The following NR2C1 variants were observed in gnomAD, a reference collection of about 807,000 sequenced individuals.
NR2C1 encodes the protein TR2 nuclear hormone receptor.
Under a neutral mutation model 74.8 loss-of-function variants are expected in NR2C1, and 33 were observed. The ratio of observed to expected loss-of-function variants is 0.44; its 90% CI spans 0.33 to 0.59. The LOEUF (loss-of-function observed/expected upper bound fraction) is 0.59. NR2C1 is among the 20% of genes least tolerant of loss of function. The probability of loss-of-function intolerance (pLI) is 0.02; values close to 1 mark genes in which losing one functional copy is unlikely to be tolerated. For synonymous variants in NR2C1, 225 were observed against 240.6 expected, an observed-to-expected ratio of 0.94 and a Z score of 0.60; for missense variants, 568 against 715.6, an observed-to-expected ratio of 0.79 and a Z score of 2.35.
intron 10 of NR2C1, among the ~76,000 whole-genome samples, chr12:95,036,930 C>T (rs1344991085): frequency 6.6e-6 from 1 of 152,094 alleles, no homozygotes; most frequent in African/African-American, 2.4e-5. Flanking sequence ...CTGAAGGCAC[C>T]AGTCCTCAGG....
Position 95,021,699 on chromosome 12 carries a change from T to A in NR2C1, c.*530A>T, listed in dbSNP as rs1868793882. 6.6e-6 allele frequency: 1 copy of A among 152,178 alleles called. No individual in the cohort carries two copies. Among genetic ancestry groups the A allele is most frequent in the African/African-American group, 2.4e-5 (1 of 41,384 alleles). The allele number at this position is 152,178 out of a possible 1,614,324, so 9.4% of individuals were successfully genotyped here. A position where few individuals can be genotyped will look rare whatever the true frequency, so the allele number is the denominator to read the frequency against. On this transcript the variant is annotated 3_prime_UTR_variant, in exon 14 of 14. Transcript: ENST00000333003. The stretch of plus-strand genomic sequence containing the variant: ...CATGATATTTAGAGAAGACAAAAAA[T>A]ATGTATTCAATTATTTCCTATAGTT...
rs34376438 is a variant in NR2C1, at chr12:95,032,967, C to CA, written c.1254-1480dup. Among the ~76,000 whole-genome samples the CA allele has an allele frequency of 2.5e-3, 372 of 151,048 alleles. 1 individual carries two copies. Among genetic ancestry groups the CA allele is most frequent in the Non-Finnish European group, 4.0e-3 (269 of 67,668 alleles). On this transcript the variant is annotated intron_variant, in intron 10 of 13. Transcript: ENST00000333003. ...TGGGTGACAGAGTGAGACCCTGTCT[C>CA]AAAAAAAAGAGAGAGAATTAACTGG...
intron 10 of NR2C1, among the ~76,000 whole-genome samples, chr12:95,032,494 T>G (rs1870267322): frequency 6.7e-6 from 1 of 149,934 alleles, no homozygotes; most frequent in South Asian, 2.1e-4. Context: ...CCCCCATCTC[T>G]ACAAAAAATG....
rs767802842 is a variant in NR2C1, at chr12:95,067,402, T to C, written c.-7-11A>G. On this transcript the variant is annotated splice_polypyrimidine_tract_variant and intron_variant, in intron 1 of 13. Coordinates refer to ENST00000333003, the MANE Select transcript of NR2C1 (RefSeq NM_003297.4). ...GTTGCCATGATCTACCTGCCAAAAA[T>C]AAAAAGATGTTTTATAATTAAACTC... 1.1e-4 allele frequency: 183 copies of C among 1,592,386 alleles called. No homozygotes were observed. The highest frequency in any genetic ancestry group is 1.5e-4 in the Non-Finnish European group (177 of 1,160,836).
chr12:95,061,500 AT>A (rs1015489168), intron 3 of NR2C1, among the ~76,000 whole-genome samples: 4 of 152,120 alleles, frequency 2.6e-5, no homozygotes, highest in South Asian at 2.1e-4. Flanking sequence ...AATGTTATAC[AT>A]TTTTTTGTGA....
intron 10 of NR2C1, among the ~76,000 whole-genome samples, chr12:95,039,913 T>C (rs560232399): frequency 6.6e-6 from 1 of 152,354 alleles, no homozygotes; most frequent in East Asian, 1.9e-4. Flanking sequence ...ATGCTGGGAT[T>C]ACAGGCGTTA....
chr12:95,024,054 A>G (rs1869061834), intron 13 of NR2C1, among the ~76,000 whole-genome samples: 1 of 152,166 alleles, frequency 6.6e-6, no homozygotes. Context: ...CAAATTACTC[A>G]GCTTTTACAG....
chr12:95,034,708 T>C (rs1870595196), intron 10 of NR2C1, among the ~76,000 whole-genome samples: 1 of 152,224 alleles, frequency 6.6e-6, no homozygotes, highest in Admixed American at 6.5e-5. Context: ...TATGTTTAGA[T>C]ACACAAACAT....
chr12:95,037,577 C>T (rs928785443), intron 10 of NR2C1, among the ~76,000 whole-genome samples: 1 of 152,150 alleles, frequency 6.6e-6, no homozygotes, highest in African/African-American at 2.4e-5. Flanking sequence ...AGGACTTTGT[C>T]ACCAACTTTT....
chr12:95,039,475 T>TTAA (rs1280525202), intron 10 of NR2C1, among the ~76,000 whole-genome samples: 1 of 152,306 alleles, frequency 6.6e-6, no homozygotes, highest in African/African-American at 2.4e-5. Context: ...AATAAAAACT[T>TTAA]TCTAACTATG....
In NR2C1 at chr12:95,057,897, C is replaced by T; in HGVS notation, c.545-19G>A. On this transcript the variant is annotated intron_variant, in intron 5 of 13. Transcript: ENST00000333003. The stretch of plus-strand genomic sequence containing the variant: ...TGGACAGCTACAAAAATGTGTTAAA[C>T]TATTATATCACAATATAGGATTTAC... 9 of 1,601,302 alleles carry T rather than the reference C, an allele frequency of 5.6e-6. No homozygotes were observed. The highest frequency in any genetic ancestry group is 7.7e-6 in the Non-Finnish European group (9 of 1,169,758).
At chr12:95,042,881 G>A (rs1871750642) in intron 9 of NR2C1, among the ~76,000 whole-genome samples, 1 of 138,976 alleles carries the variant, frequency 7.2e-6, no homozygotes, top group Non-Finnish European at 1.5e-5. Flanking sequence ...AGGACTGCTT[G>A]AAGCCAGTAG....
chr12:95,041,938 T>C lies in NR2C1; in HGVS notation c.1132-1341A>G, dbSNP rs370527001. 1.5e-3 allele frequency among the ~76,000 whole-genome samples: 224 copies of C among 152,286 alleles called. 5 individuals carry two copies. The South Asian group carries it at 0.04, about 27-fold the overall frequency. ...CTAGAGAAAAGAATAATCCATGCTA[T>C]AGAATATATGTGGGCATTAAAATTG... is the stretch of plus-strand genomic sequence containing the variant. On this transcript the variant is annotated intron_variant, in intron 9 of 13. Coordinates refer to ENST00000333003, the MANE Select transcript of NR2C1 (RefSeq NM_003297.4).
intron 11 of NR2C1, among the ~76,000 whole-genome samples, chr12:95,029,911 C>T (rs1869855309): frequency 6.6e-6 from 1 of 152,096 alleles, no homozygotes; most frequent in South Asian, 2.1e-4. Flanking sequence ...CTCTGTTGTC[C>T]AAGCTAGGGT....
chr12:95,066,349 A>G (rs1875693619), intron 2 of NR2C1, among the ~76,000 whole-genome samples: 1 of 152,212 alleles, frequency 6.6e-6, no homozygotes, highest in African/African-American at 2.4e-5. Context: ...AAAATATATA[A>G]AACATCAGCC....
chr12:95,043,127 G>A (rs984368156), intron 9 of NR2C1, among the ~76,000 whole-genome samples: 2 of 151,992 alleles, frequency 1.3e-5, no homozygotes, highest in African/African-American at 4.8e-5. Flanking sequence ...TGGACATGGT[G>A]GTGTGCACCT....
chr12:95,037,359 G>A (rs1204140381), intron 10 of NR2C1, among the ~76,000 whole-genome samples: 1 of 152,136 alleles, frequency 6.6e-6, no homozygotes. Context: ...GTAAAATACA[G>A]AAGCCTTGTA....
At chr12:95,041,992 C>CA (rs764898226) in intron 9 of NR2C1, among the ~76,000 whole-genome samples, 1 of 151,916 alleles carries the variant, frequency 6.6e-6, no homozygotes, top group East Asian at 1.9e-4. Context: ...TAATGGTATA[C>CA]AAAAAATCTC....
chr12:95,051,174 T>C (rs565173545), intron 8 of NR2C1, among the ~76,000 whole-genome samples: 1 of 152,134 alleles, frequency 6.6e-6, no homozygotes, highest in Non-Finnish European at 1.5e-5. Context: ...TCCAAAATGC[T>C]CTAAAATCAG....
Sources: allele counts gnomAD v4.1 joint callset (sites outside exome capture counted in the v4.1 genomes callset), GRCh38; gene constraint gnomAD v4.1.1; transcripts MANE v1.5; gene names NCBI Gene and HGNC (gene_info 2026-07-23, HGNC 2026-07-21).